The following FRMD3 variants were observed in gnomAD, a reference collection of about 807,000 sequenced individuals.
The protein encoded by FRMD3 is FERM domain containing 3.
Under a neutral mutation model 70.2 loss-of-function variants are expected in FRMD3, and 33 were observed. The observed-to-expected ratio is 0.47, with a 90% CI of 0.36 to 0.63. FRMD3 has a LOEUF of 0.63. Ranked by LOEUF, FRMD3 falls within the 20% of genes least tolerant of loss-of-function variation. FRMD3 has a pLI of 0.00. For synonymous variants in FRMD3, 279 were observed against 255.9 expected (o/e 1.09, Z -0.86); for missense variants, 632 against 711.4 (o/e 0.89, Z 1.27).
At chr9:83,394,241 G>C (rs2131305975) in intron 1 of FRMD3, among the ~76,000 whole-genome samples, 2 of 152,162 alleles carry the variant, frequency 1.3e-5, no homozygotes, top group Non-Finnish European at 2.9e-5. Flanking sequence ...TAGTCTCCTG[G>C]GTATGGCAGG....
At chr9:83,265,380 A>G (rs1833205154) in intron 13 of FRMD3, among the ~76,000 whole-genome samples, 2 of 147,568 alleles carry the variant, frequency 1.4e-5, no homozygotes, top group South Asian at 2.2e-4. Context: ...AGCCTGGGCA[A>G]CAGAGCGAGA....
chr9:83,266,394 T>C (rs571213541), intron 13 of FRMD3, among the ~76,000 whole-genome samples: 1 of 152,328 alleles, frequency 6.6e-6, no homozygotes, highest in South Asian at 2.1e-4. Flanking sequence ...AAAAACCACA[T>C]TTATACATAT....
In FRMD3 at chr9:83,299,162, C is replaced by T; in HGVS notation, c.951G>A (p.Lys317=). 6.2e-7 allele frequency: 1 copy of T among 1,612,310 alleles called. No individual in the cohort carries two copies. ...FYKYAKSSQI[K]TVSSSKIFFK... is the part of the protein sequence containing the mutation. ...AAAATATCTTGCTGCTTGATACAGT[C>T]TTGATCTGACTGGATTTTGCATACC... The change falls in exon 11 of 14, where the codon AAG becomes AAA. Residue 317 remains lysine, a synonymous_variant. Coordinates refer to ENST00000304195, the MANE Select transcript of FRMD3 (RefSeq NM_174938.6).
chr9:83,435,718 AT>A (rs1236802814), intron 1 of FRMD3, among the ~76,000 whole-genome samples: 3 of 152,224 alleles, frequency 2.0e-5, no homozygotes, highest in Non-Finnish European at 4.4e-5. Flanking sequence ...AGACAAATCC[AT>A]TTTGGTGATT....
At chr9:83,399,305 C>T (rs1445035966) in intron 1 of FRMD3, among the ~76,000 whole-genome samples, 1 of 152,180 alleles carries the variant, frequency 6.6e-6, no homozygotes, top group African/African-American at 2.4e-5. Context: ...GCCTCCATTA[C>T]CTCTACTGCG....
chr9:83,273,341 G>A (rs904097189), intron 13 of FRMD3, among the ~76,000 whole-genome samples: 4 of 150,940 alleles, frequency 2.7e-5, no homozygotes, highest in East Asian at 1.9e-4. Flanking sequence ...CCCCAACCCC[G>A]TGCTCTCTGA....
intron 1 of FRMD3, among the ~76,000 whole-genome samples, chr9:83,408,358 A>T (rs767425566): frequency 1.3e-5 from 2 of 152,182 alleles, no homozygotes; most frequent in Admixed American, 6.5e-5. Context: ...TCTAGGAAAA[A>T]AAAAATATCA....
intron 1 of FRMD3, among the ~76,000 whole-genome samples, chr9:83,473,203 C>A (rs115267218): frequency 2.3e-3 from 355 of 152,244 alleles, no homozygotes; most frequent in African/African-American, 7.7e-3. Flanking sequence ...ACTCTTACAC[C>A]GACATCTCAA....
intron 4 of FRMD3, among the ~76,000 whole-genome samples, chr9:83,347,104 A>G (rs1242243666): frequency 1.3e-5 from 2 of 152,236 alleles, no homozygotes; most frequent in African/African-American, 2.4e-5. Context: ...TTATTGATAA[A>G]TGAGAGGCTT....
chr9:83,411,491 T>A (rs1316161441), intron 1 of FRMD3, among the ~76,000 whole-genome samples: 5 of 152,218 alleles, frequency 3.3e-5, no homozygotes, highest in Non-Finnish European at 7.4e-5. Flanking sequence ...AAGTATTATC[T>A]ACCCATCCCT....
At chr9:83,545,962 G>C in the FRMD3 span, among the ~76,000 whole-genome samples, 1 of 151,448 alleles carries the variant, frequency 6.6e-6, no homozygotes, top group East Asian at 1.9e-4. Flanking sequence ...AGAGAAAACT[G>C]TCTAATCACC....
intron 1 of FRMD3, among the ~76,000 whole-genome samples, chr9:83,487,538 G>T (rs1248969390): frequency 6.6e-6 from 1 of 152,282 alleles, no homozygotes; most frequent in Non-Finnish European, 1.5e-5. Flanking sequence ...TAGAGTTAGT[G>T]AACTTCAAAT....
At chr9:83,302,589 CCCTTCCTCCCTTCCCA>C (rs567791304) in intron 10 of FRMD3, among the ~76,000 whole-genome samples, 4 of 152,106 alleles carry the variant, frequency 2.6e-5, no homozygotes, top group African/African-American at 9.7e-5. Context: ...ATAATAGTTT[CCCTTCCTCCCTTCCCA>C]CCTTCCTCCC....
intron 1 of FRMD3, among the ~76,000 whole-genome samples, chr9:83,497,122 A>G (rs1253046524): frequency 6.6e-6 from 1 of 152,188 alleles, no homozygotes; most frequent in Non-Finnish European, 1.5e-5. Flanking sequence ...CTCAAAAGTA[A>G]ATAAATAAAT....
intron 1 of FRMD3, among the ~76,000 whole-genome samples, chr9:83,470,831 C>A (rs1828250890): frequency 1.3e-5 from 2 of 152,224 alleles, no homozygotes; most frequent in Admixed American, 1.3e-4. Context: ...TGGAGTTAAC[C>A]TGTGAATTTC....
At chr9:83,271,100 G>T (rs991723942) in intron 13 of FRMD3, among the ~76,000 whole-genome samples, 1 of 152,016 alleles carries the variant, frequency 6.6e-6, no homozygotes, top group Non-Finnish European at 1.5e-5. Flanking sequence ...TACATGACTG[G>T]GTTCCTGACA....
At chr9:83,371,356 G>A (rs1412780986) in intron 3 of FRMD3, among the ~76,000 whole-genome samples, 1 of 150,924 alleles carries the variant, frequency 6.6e-6, no homozygotes, top group Non-Finnish European at 1.5e-5. Flanking sequence ...CTGGTCTGTG[G>A]CCCAGGCTGG....
chr9:83,378,342 C>T (rs1303622058), intron 2 of FRMD3, among the ~76,000 whole-genome samples: 3 of 146,550 alleles, frequency 2.0e-5, no homozygotes, highest in Non-Finnish European at 4.5e-5. Flanking sequence ...CTCACAGCAG[C>T]CTTCAGCTCA....
intron 1 of FRMD3, among the ~76,000 whole-genome samples, chr9:83,494,069 T>A (rs1828887618): frequency 6.6e-6 from 1 of 152,204 alleles, no homozygotes; most frequent in African/African-American, 2.4e-5. Context: ...GCCACTATCC[T>A]AGCCTCCTCC....
Sources: allele counts gnomAD v4.1 joint callset (sites outside exome capture counted in the v4.1 genomes callset), GRCh38; gene constraint gnomAD v4.1.1; transcripts MANE v1.5; gene names NCBI Gene and HGNC (gene_info 2026-07-23, HGNC 2026-07-21).